Variants in USP25 observed in about 807,000 individuals in gnomAD.
The protein encoded by USP25 is ubiquitin specific peptidase 25.
In USP25, 85 loss-of-function variants were observed where a neutral mutation model predicts 158.5. The observed-to-expected ratio is 0.54, with a 90% CI of 0.45 to 0.64. The LOEUF (loss-of-function observed/expected upper bound fraction) is 0.64, where lower values mean the gene tolerates loss of function less well. Among genes scored for constraint, USP25 ranks in the 30% least tolerant of loss-of-function variants. USP25 has a pLI of 0.00. For synonymous variants in USP25, 464 were observed against 460.4 expected (o/e 1.01, Z -0.10); for missense variants, 1,242 against 1,327.3 (o/e 0.94, Z 1.00).
intron 3 of USP25, among the ~76,000 whole-genome samples, chr21:15,774,971 TC>T (rs1346264086): frequency 6.6e-6 from 1 of 152,126 alleles, no homozygotes; most frequent in Non-Finnish European, 1.5e-5. Flanking sequence ...AGGACTTTCC[TC>T]CCTTTTTTCA....
At chr21:15,852,557 G>A (rs1330631809) in intron 20 of USP25, among the ~76,000 whole-genome samples, 2 of 152,036 alleles carry the variant, frequency 1.3e-5, no homozygotes, top group African/African-American at 4.8e-5. Flanking sequence ...TTATCACGAA[G>A]CTTATCTTAT....
At chr21:15,783,919 G>A (rs978715864) in intron 4 of USP25, among the ~76,000 whole-genome samples, 1 of 151,996 alleles carries the variant, frequency 6.6e-6, no homozygotes, top group African/African-American at 2.4e-5. Context: ...GCAGTGAGCC[G>A]AGATCGCGCC....
intron 20 of USP25, among the ~76,000 whole-genome samples, chr21:15,857,326 A>G (rs1939279794): frequency 6.6e-6 from 1 of 152,144 alleles, no homozygotes; most frequent in Admixed American, 6.5e-5. Context: ...TTGTGCATAT[A>G]TTATTGAACA....
chr21:15,877,534 G>A (rs1002618542), intron 24 of USP25: 31 of 243,300 alleles, frequency 1.3e-4, no homozygotes, highest in Non-Finnish European at 1.9e-4. Flanking sequence ...GTTGATGATC[G>A]GCATAAGCCA....
At chr21:15,797,868 A>G (rs1186068206) in intron 5 of USP25, among the ~76,000 whole-genome samples, 1 of 151,146 alleles carries the variant, frequency 6.6e-6, no homozygotes, top group African/African-American at 2.4e-5. Flanking sequence ...CATTCATATA[A>G]CTTTTATTAC....
At chr21:15,798,446 T>C (rs1303395727) in intron 5 of USP25, among the ~76,000 whole-genome samples, 2 of 151,234 alleles carry the variant, frequency 1.3e-5, no homozygotes, top group African/African-American at 4.8e-5. Flanking sequence ...CTTTTTCTTT[T>C]TTCCTGTGAT....
chr21:15,854,883 T>C (rs1464960346), intron 20 of USP25, among the ~76,000 whole-genome samples: 2 of 152,232 alleles, frequency 1.3e-5, no homozygotes, highest in East Asian at 3.8e-4. Context: ...TGAGTCCTTC[T>C]TCAAATTGAC....
intron 10 of USP25, among the ~76,000 whole-genome samples, chr21:15,821,506 A>G (rs1323512765): frequency 6.6e-6 from 1 of 151,974 alleles, no homozygotes; most frequent in Non-Finnish European, 1.5e-5. Flanking sequence ...ACAAAGTTGT[A>G]CCAAGTTATA....
intron 20 of USP25, among the ~76,000 whole-genome samples, chr21:15,863,907 G>T (rs1255776950): frequency 6.6e-6 from 1 of 151,932 alleles, no homozygotes; most frequent in Non-Finnish European, 1.5e-5. Context: ...CGTGGTGGTG[G>T]GCGCCTGTAA....
At chr21:15,847,497 G>A (rs1055459837) in intron 18 of USP25, among the ~76,000 whole-genome samples, 166 bp from the exon 19 acceptor site, 35 of 152,132 alleles carry the variant, frequency 2.3e-4, no homozygotes, top group Admixed American at 2.3e-3. Flanking sequence ...TTAAGAGTAT[G>A]TGCTTAAACA....
At position 15,874,457 on chromosome 21, in the gene USP25, C is replaced by G. The variant is rs747236633; in HGVS notation, c.2940C>G (p.Leu980=). ...LICAYQNNKE[L]LSKGLYRGHD... is the part of the protein sequence containing the mutation. ...GTGCTTATCAGAATAACAAAGAACT[C>G]TTGTCTAAAGGCTTATACAGAGGAC... The change falls in exon 24 of 26, where the codon CTC becomes CTG. Residue 980 remains leucine (L), a synonymous_variant. Transcript: ENST00000400183. 1.9e-6 allele frequency: 3 copies of G among 1,611,308 alleles called. No individual in the cohort carries two copies. In the East Asian group the frequency reaches 6.7e-5, roughly 36 times the overall value.
intron 1 of USP25, among the ~76,000 whole-genome samples, chr21:15,730,976 G>GTTTTTTTTTTTTTTTTTTTTTTTTT (rs748732727): frequency 1.9e-5 from 1 of 53,648 alleles, no homozygotes; most frequent in African/African-American, 6.9e-5. Context: ...CTTCTTTTCT[G>GTTTTTTTTTTTTTTTTTTTTTTTTT]TTTTTTTTTT....
intron 9 of USP25, among the ~76,000 whole-genome samples, chr21:15,813,279 C>T (rs2036765868): frequency 6.6e-6 from 1 of 152,200 alleles, no homozygotes; most frequent in Non-Finnish European, 1.5e-5. Flanking sequence ...TCTAACTTAT[C>T]TCTTCATTCT....
chr21:15,760,767 C>G (rs901433212), intron 1 of USP25, among the ~76,000 whole-genome samples: 7 of 151,932 alleles, frequency 4.6e-5, no homozygotes, highest in African/African-American at 1.7e-4. Flanking sequence ...TTTTTTTCTC[C>G]CCAAACCATT....
chr21:15,774,138 G>A (rs552117572), intron 3 of USP25, among the ~76,000 whole-genome samples: 2 of 152,246 alleles, frequency 1.3e-5, no homozygotes, highest in African/African-American at 4.8e-5. Flanking sequence ...TGTGGAATTC[G>A]AAATCACATC....
At chr21:15,868,615 C>T (rs1023445117) in intron 22 of USP25, among the ~76,000 whole-genome samples, 4 of 152,114 alleles carry the variant, frequency 2.6e-5, no homozygotes, top group Non-Finnish European at 5.9e-5. Context: ...GTTCAGGGTT[C>T]AGTAAACCAT....
At chr21:15,808,668 C>A (rs948641609) in intron 7 of USP25, 141 bp from the exon 8 acceptor site, 1 of 534,922 alleles carries the variant, frequency 1.9e-6, no homozygotes, top group Non-Finnish European at 3.2e-6. Flanking sequence ...TCTTGCATTT[C>A]GTGTGAAACA....
intron 1 of USP25, among the ~76,000 whole-genome samples, chr21:15,733,555 C>T (rs1035751327): frequency 1.3e-5 from 2 of 151,946 alleles, no homozygotes; most frequent in African/African-American, 2.4e-5. Flanking sequence ...AACAAAATGA[C>T]ACCTGCCAGG....
At chr21:15,840,604 A>G (rs1175741015) in intron 17 of USP25, among the ~76,000 whole-genome samples, 1 of 152,180 alleles carries the variant, frequency 6.6e-6, no homozygotes, top group East Asian at 1.9e-4. Context: ...TCTGTATGAC[A>G]TTTAGCCAGA....
Sources: gnomAD v4.1 joint callset for allele counts (sites outside exome capture counted in the v4.1 genomes callset) on GRCh38, gnomAD v4.1.1 for gene constraint, MANE v1.5 for transcripts, NCBI Gene and HGNC (gene_info 2026-07-23, HGNC 2026-07-21) for gene names.